Variants in MAML3 observed in about 807,000 individuals in gnomAD.
MAML3 encodes mastermind-like protein 3.
MAML3 carries 27 observed loss-of-function variants against 101.9 expected under a neutral mutation model. That is an observed-to-expected ratio of 0.27 (90% confidence interval 0.20 to 0.37). MAML3 has a LOEUF of 0.37. Among genes scored for constraint, MAML3 ranks in the 10% least tolerant of loss-of-function variants. MAML3 has a pLI of 1.00. For missense variants in MAML3, 1,316 were observed against 1,444.9 expected, an observed-to-expected ratio of 0.91 and a Z score of 1.45; for synonymous variants, 501 against 555.9, an observed-to-expected ratio of 0.90 and a Z score of 1.39.
intron 1 of MAML3, among the ~76,000 whole-genome samples, chr4:140,096,615 G>A (rs1728167672): frequency 6.6e-6 from 1 of 152,134 alleles, no homozygotes; most frequent in South Asian, 2.1e-4. Flanking sequence ...GAGGCGAGGT[G>A]GCAAGAGGCT....
Position 139,890,421 on chromosome 4 carries a change from G to A in MAML3, c.1015C>T (p.Pro339Ser). ...FNEDFEEKKE[P>S]EFSQPATETP... ...TCAGTTGCTGGCTGCGAGAATTCTG[G>A]CTCCTTCTTCTCTTCAAAGTCTTCG... Residue 339 changes from proline to serine, a missense_variant, in exon 2 of 5, where the codon CCA becomes TCA. Transcript: ENST00000509479. This position sits in a 1 kb window ranked among gnomAD's most constrained non-coding sequence, Gnocchi z 4.1. 1 of 1,606,660 alleles carries A rather than the reference G, an allele frequency of 6.2e-7. No individual in the cohort carries two copies.
intron 4 of MAML3, among the ~76,000 whole-genome samples, chr4:139,725,129 C>A (rs1266062996): frequency 2.0e-5 from 3 of 152,098 alleles, no homozygotes; most frequent in Non-Finnish European, 4.4e-5. Context: ...AAAGGAGTGC[C>A]AACACTGACA....
intron 2 of MAML3, among the ~76,000 whole-genome samples, chr4:139,822,611 C>T (rs1364665009): frequency 6.6e-6 from 1 of 152,202 alleles, no homozygotes; most frequent in African/African-American, 2.4e-5. Context: ...TGAATGCATT[C>T]CTTCCTTTGA....
At chr4:140,106,628 G>A (rs568622045) in intron 1 of MAML3, among the ~76,000 whole-genome samples, 2 of 152,302 alleles carry the variant, frequency 1.3e-5, no homozygotes, top group Non-Finnish European at 2.9e-5. Context: ...TTGCAGCATG[G>A]AGACTGCTAC....
chr4:140,080,270 A>G (rs1167107779), intron 1 of MAML3, among the ~76,000 whole-genome samples: 2 of 152,246 alleles, frequency 1.3e-5, no homozygotes, highest in Non-Finnish European at 2.9e-5. Context: ...AACAGCTGAA[A>G]TGTCTCTTCT....
chr4:140,128,786 A>G (rs1728730404), intron 1 of MAML3, among the ~76,000 whole-genome samples: 1 of 152,174 alleles, frequency 6.6e-6, no homozygotes, highest in Admixed American at 6.5e-5. Flanking sequence ...CAAGAGAAAG[A>G]ACTAACACCC....
chr4:139,984,375 A>G (rs115179877), intron 1 of MAML3, among the ~76,000 whole-genome samples: 1,808 of 152,310 alleles, frequency 0.012, 44 homozygotes, highest in African/African-American at 0.041. Context: ...AATTAACTGT[A>G]AATGGGGAGG....
intron 1 of MAML3, chr4:140,134,198 C>A: frequency 4.4e-6 from 2 of 456,700 alleles, no homozygotes; most frequent in Non-Finnish European, 8.8e-6. Context: ...GTAGATTGGT[C>A]CCCTAACTTA....
intron 1 of MAML3, among the ~76,000 whole-genome samples, chr4:140,028,004 T>C (rs78851976): frequency 0.019 from 2,888 of 152,334 alleles, 93 homozygotes; most frequent in African/African-American, 0.065. Flanking sequence ...TCAAATGTTC[T>C]AGTATTTGTT....
chr4:140,024,099 C>T (rs1242020435), intron 1 of MAML3, among the ~76,000 whole-genome samples: 1 of 145,952 alleles, frequency 6.9e-6, no homozygotes, highest in Non-Finnish European at 1.6e-5. Context: ...ATCTTAACAA[C>T]CTTATAAAAT....
At chr4:140,034,999 T>A (rs546889754) in intron 1 of MAML3, among the ~76,000 whole-genome samples, 1 of 152,178 alleles carries the variant, frequency 6.6e-6, no homozygotes, top group Non-Finnish European at 1.5e-5. Context: ...AGATGGAGTC[T>A]TGCTCTATTG....
intron 2 of MAML3, among the ~76,000 whole-genome samples, chr4:139,746,884 G>A (rs1172161086): frequency 6.6e-6 from 1 of 152,200 alleles, no homozygotes; most frequent in Non-Finnish European, 1.5e-5. Flanking sequence ...AGCCTAGGGA[G>A]AATCGGGTGG....
At chr4:139,888,372 G>T (rs1189491202) in intron 2 of MAML3, among the ~76,000 whole-genome samples, 1 of 152,218 alleles carries the variant, frequency 6.6e-6, no homozygotes, top group Non-Finnish European at 1.5e-5. Context: ...AAATGACCAT[G>T]TCTGCATCCT....
intron 2 of MAML3, among the ~76,000 whole-genome samples, chr4:139,813,235 G>C (rs1730835422): frequency 6.6e-6 from 1 of 151,780 alleles, no homozygotes; most frequent in South Asian, 2.1e-4. Context: ...ACAGAAACGA[G>C]AAGAAAAAAT....
rs11439880 is a variant in MAML3, at chr4:139,863,343, CTT to C, written c.2079+26012_2079+26013del. Reference sequence around the variant, plus strand: ...CACATTACACACTTTTTCCTGTGCCCTTTTTTTTTTTTTTTTTTCCTTTTGAG... The same window carrying C: ...CACATTACACACTTTTTCCTGTGCCCTTTTTTTTTTTTTTTTCCTTTTGAG... On this transcript the variant is annotated intron_variant, in intron 2 of 4. Transcript: ENST00000509479. Among the ~76,000 whole-genome samples the C allele has an allele frequency of 5.4e-4, 65 of 120,528 alleles. 1 individual carries two copies. The highest frequency in any genetic ancestry group is 1.4e-3 in the African/African-American group (46 of 33,612). The allele number at this position is 120,528 out of a possible 152,430, so 79.1% of individuals were successfully genotyped here.
intron 2 of MAML3, among the ~76,000 whole-genome samples, chr4:139,836,468 A>C (rs1188889300): frequency 6.6e-6 from 1 of 152,212 alleles, no homozygotes; most frequent in African/African-American, 2.4e-5. Flanking sequence ...TGTTATGAGA[A>C]CTATTTCCAA....
At chr4:139,989,205 G>A (rs773964505) in intron 1 of MAML3, among the ~76,000 whole-genome samples, 13 of 152,062 alleles carry the variant, frequency 8.5e-5, no homozygotes, top group Admixed American at 3.9e-4. Flanking sequence ...GGCATTGTCC[G>A]CCAATAAAAT....
intron 1 of MAML3, among the ~76,000 whole-genome samples, chr4:140,055,571 A>T (rs1205493647): frequency 1.3e-5 from 2 of 152,236 alleles, no homozygotes; most frequent in Non-Finnish European, 2.9e-5. Flanking sequence ...AACCTTTAGA[A>T]TTCTGCAAAA....
rs192738205 is a variant in MAML3 at position 140,025,356 on chromosome 4, C to T, written c.468+127504G>A. On this transcript the variant is annotated intron_variant, in intron 1 of 4. Transcript: ENST00000509479. ...AAAAAAGAGGGAGACGACAGATGAA[C>T]TGAGTATGACAAAATCTTGGTACTC... Among the ~76,000 whole-genome samples the T allele has an allele frequency of 3.0e-4, 45 of 152,204 alleles. 1 individual carries two copies. The highest frequency in any genetic ancestry group is 8.7e-4 in the African/African-American group (36 of 41,528).
Sources: allele counts gnomAD v4.1 joint callset (sites outside exome capture counted in the v4.1 genomes callset), GRCh38; gene constraint gnomAD v4.1.1; non-coding constraint Gnocchi (gnomAD v3.1); transcripts MANE v1.5; gene names NCBI Gene and HGNC (gene_info 2026-07-23, HGNC 2026-07-21).